The following ZFAND4 variants were observed in gnomAD, a reference collection of about 807,000 sequenced individuals.
The protein encoded by ZFAND4 is zinc finger AN1-type containing 4.
In ZFAND4, 43 loss-of-function variants were observed where a neutral mutation model predicts 64.4. That is an observed-to-expected ratio of 0.67 (90% CI 0.52 to 0.86). The LOEUF (loss-of-function observed/expected upper bound fraction) is 0.86, where lower values mean the gene tolerates loss of function less well. Ranked by LOEUF, ZFAND4 falls within the 40% of genes least tolerant of loss-of-function variation. The pLI is 0.00. For missense variants in ZFAND4, 929 were observed against 859.8 expected (o/e 1.08, Z -1.01); for synonymous variants, 296 against 305.7 (o/e 0.97, Z 0.33).
chr10:45,660,213 C>T (rs971485622), intron 2 of ZFAND4, among the ~76,000 whole-genome samples: 5 of 150,472 alleles, frequency 3.3e-5, no homozygotes, highest in African/African-American at 1.2e-4. Flanking sequence ...AGGCAAGGCA[C>T]AGTGGTATGC....
chr10:45,641,005 T>C (rs2046961921), intron 5 of ZFAND4, among the ~76,000 whole-genome samples: 2 of 152,240 alleles, frequency 1.3e-5, no homozygotes, highest in Admixed American at 6.5e-5. Context: ...CCTCTTTGAT[T>C]GTATAATATA....
intron 6 of ZFAND4, among the ~76,000 whole-genome samples, chr10:45,630,808 G>A (rs772768368): frequency 1.3e-5 from 2 of 151,934 alleles, no homozygotes; most frequent in South Asian, 4.2e-4. Flanking sequence ...TAAGAGAGAA[G>A]GTGGTTGTAT....
chr10:45,629,183 C>A (rs1024673302), intron 6 of ZFAND4, among the ~76,000 whole-genome samples: 8 of 152,194 alleles, frequency 5.3e-5, no homozygotes, highest in Non-Finnish European at 8.8e-5. Flanking sequence ...GTCAATCGAT[C>A]CTCCGAGCAG....
rs1201126390 is a variant in ZFAND4, at chr10:45,651,653, C to T, written c.328+313G>A. The T allele has an allele frequency of 5.5e-5, 27 of 492,496 alleles. No individual in the cohort carries two copies. The Middle Eastern group carries it at 1.2e-3, about 23-fold the overall frequency. The allele number at this position is 492,496 out of a possible 1,614,324, so 30.5% of individuals were successfully genotyped here. A position where few individuals can be genotyped will look rare whatever the true frequency, so the allele number is the denominator to read the frequency against. Reference sequence around the variant, plus strand: ...GGTAGATTTAAAAATAAACAAGACTCGTATGAAACTAAACACAATGGTAAA... The same window carrying T: ...GGTAGATTTAAAAATAAACAAGACTTGTATGAAACTAAACACAATGGTAAA... On this transcript the variant is annotated intron_variant, in intron 4 of 9. Transcript: ENST00000344646.
chr10:45,667,917 T>C (rs1175125140), intron 1 of ZFAND4, among the ~76,000 whole-genome samples: 2 of 152,346 alleles, frequency 1.3e-5, no homozygotes, highest in East Asian at 1.9e-4. Flanking sequence ...GGGGTTTTCA[T>C]AGATTACCAA....
At chr10:45,666,416 T>C (rs1395463136) in intron 1 of ZFAND4, among the ~76,000 whole-genome samples, 1 of 152,222 alleles carries the variant, frequency 6.6e-6, no homozygotes, top group Non-Finnish European at 1.5e-5. Context: ...TTGAGTTGTA[T>C]GAGTTTTTAT....
chr10:45,634,617 C>T (rs1024938883), intron 6 of ZFAND4, among the ~76,000 whole-genome samples: 2 of 151,372 alleles, frequency 1.3e-5, no homozygotes, highest in East Asian at 3.9e-4. Context: ...CATCAGGAAC[C>T]CTAAATGAAA....
Position 45,652,027 on chromosome 10 carries a change from T to C in ZFAND4, c.267A>G (p.Ser89=). The change falls in exon 4 of 10, where the codon TCA becomes TCG. Residue 89 remains serine, a synonymous_variant. Transcript: ENST00000344646. ...AAACTAGCTTCAAGGTACACCCTTC[T>C]GAAATGCTGTGGATAGTTAACACAA... The part of the protein sequence containing the change: ...NDYCLNDYNI[S]EGCTLKLVLA... 6.2e-7 allele frequency: 1 copy of C among 1,613,808 alleles called. No homozygotes were observed. Among genetic ancestry groups the C allele is most frequent in the African/African-American group, 1.3e-5 (1 of 75,056 alleles).
rs370441734 is a variant in ZFAND4 at position 45,626,210 on chromosome 10, G to T, written c.1613C>A (p.Ser538Tyr). 6.2e-7 allele frequency: 1 copy of T among 1,614,014 alleles called. No homozygotes were observed. Among genetic ancestry groups the T allele is most frequent in the Non-Finnish European group, 8.5e-7 (1 of 1,180,036 alleles). Residue 538 changes from serine (S) to tyrosine (Y), a missense_variant, in exon 7 of 10, where the codon TCT (serine) becomes TAT (tyrosine). Physicochemically the swap from Ser to Tyr is moderately radical, Grantham distance 144 (BLOSUM62 -2). Coordinates refer to ENST00000344646, the MANE Select transcript of ZFAND4 (RefSeq NM_174890.4). ...GVKVDSLGKR[S>Y]DVISKVEARD... is the part of the protein sequence containing the mutation. Reference sequence around the variant, plus strand: ...AGCCTCAACTTTGGAAATAACATCAGATCTTTTCCCAAGTGAATCAACTTT... The same window carrying T: ...AGCCTCAACTTTGGAAATAACATCATATCTTTTCCCAAGTGAATCAACTTT...
rs1228651724 is a variant in ZFAND4, at chr10:45,627,194, A to G, written c.718-89T>C. The G allele has an allele frequency of 5.0e-6, 5 of 991,636 alleles. No homozygotes were observed. The Admixed American group carries it at 1.0e-4, about 20-fold the overall frequency. 61.4% of individuals were successfully genotyped at this position (991,636 alleles called of 1,614,324 possible). On this transcript the variant is annotated intron_variant, in intron 6 of 9. Transcript: ENST00000344646. ...GCGAAGGAAGAAAATGTTACTTACC[A>G]TAACATACTAGCATTTTTACTATCT...
intron 1 of ZFAND4, 117 bp from the exon 2 acceptor site, chr10:45,663,959 T>G (rs943125871): frequency 5.1e-6 from 2 of 392,678 alleles, no homozygotes; most frequent in Non-Finnish European, 9.0e-6. Flanking sequence ...TTCACTTTAG[T>G]GCTTTTAATT....
chr10:45,660,064 AGG>A (rs2133836820), intron 2 of ZFAND4, among the ~76,000 whole-genome samples: 1 of 150,782 alleles, frequency 6.6e-6, no homozygotes, highest in East Asian at 2.0e-4. Flanking sequence ...CGGGAGGCTG[AGG>A]CAGGAGAATG....
intron 6 of ZFAND4, among the ~76,000 whole-genome samples, chr10:45,632,553 T>G (rs942777060): frequency 6.6e-6 from 1 of 152,124 alleles, no homozygotes; most frequent in Non-Finnish European, 1.5e-5. Context: ...TCAAAGGATA[T>G]TTAAAGCTGG....
chr10:45,656,306 A>G (rs2048098687), intron 2 of ZFAND4, among the ~76,000 whole-genome samples: 1 of 150,000 alleles, frequency 6.7e-6, no homozygotes, highest in South Asian at 2.1e-4. Flanking sequence ...AAAGATTGAA[A>G]AAGAGGGAAT....
chr10:45,637,818 C>T (rs1246599121), intron 6 of ZFAND4, among the ~76,000 whole-genome samples: 1 of 151,832 alleles, frequency 6.6e-6, no homozygotes, highest in Non-Finnish European at 1.5e-5. Flanking sequence ...AAACATTCAC[C>T]CAAAGAATAA....
intron 6 of ZFAND4, among the ~76,000 whole-genome samples, chr10:45,629,313 C>G (rs1018656350): frequency 1.3e-5 from 2 of 152,152 alleles, no homozygotes; most frequent in African/African-American, 4.8e-5. Flanking sequence ...CCTCCCACCT[C>G]TGCCTCCCAA....
At chr10:45,624,550 C>T (rs2045658693) in intron 8 of ZFAND4, 33 bp downstream of exon 8, 1 of 1,602,698 alleles carries the variant, frequency 6.2e-7, no homozygotes, top group South Asian at 1.1e-5. Flanking sequence ...AATTATCAGC[C>T]TTGTATTGTT....
intron 1 of ZFAND4, among the ~76,000 whole-genome samples, chr10:45,670,906 A>T (rs1296923791): frequency 6.6e-6 from 1 of 152,118 alleles, no homozygotes; most frequent in Admixed American, 6.6e-5. Context: ...AACCTACAGA[A>T]TGGGAAAAAA....
At position 45,626,439 on chromosome 10, in the gene ZFAND4, G is replaced by A. The variant is rs140274256; in HGVS notation, c.1384C>T (p.Arg462Trp). The change falls in exon 7 of 10, where the codon CGG (arginine) becomes TGG (tryptophan). Residue 462 changes from arginine to tryptophan, a missense_variant. Physicochemically the swap from Arg to Trp is moderately radical, Grantham distance 101. Transcript: ENST00000344646. The stretch of plus-strand genomic sequence containing the variant: ...CTATTCTTGTGAGGACTTAATTCCC[G>A]GTAGTTAAGAACTGAAGTCTCTACT... ...ESVETSVLNY[R>W]ELSPHKNRLL... is the part of the protein sequence containing the mutation. 3.6e-4 allele frequency: 573 copies of A among 1,613,670 alleles called. No individual in the cohort carries two copies. Among genetic ancestry groups the A allele is most frequent in the Non-Finnish European group, 4.7e-4 (551 of 1,180,028 alleles).
Sources: allele counts gnomAD v4.1 joint callset (sites outside exome capture counted in the v4.1 genomes callset), GRCh38; gene constraint gnomAD v4.1.1; transcripts MANE v1.5; gene names NCBI Gene and HGNC (gene_info 2026-07-23, HGNC 2026-07-21).